CSMD1: variants seen among roughly 807,000 people sequenced by gnomAD.
CSMD1 encodes CUB and Sushi multiple domains 1.
In CSMD1, 213 loss-of-function variants were observed where a neutral mutation model predicts 417.5. The ratio of observed to expected loss-of-function variants is 0.51; its 90% CI spans 0.46 to 0.57. CSMD1 has a LOEUF of 0.57. CSMD1 is among the 20% of genes least tolerant of loss of function. The pLI is 0.00. For missense variants in CSMD1, 6,923 were observed against 4,529.7 expected, an observed-to-expected ratio of 1.53 and a Z score of -15.17; for synonymous variants, 2,862 against 1,736.8, an observed-to-expected ratio of 1.65 and a Z score of -16.11.
intron 3 of CSMD1, among the ~76,000 whole-genome samples, chr8:4,076,806 C>T (rs776595962): frequency 7.2e-5 from 11 of 152,140 alleles, no homozygotes; most frequent in Middle Eastern, 3.2e-3. Flanking sequence ...TACACCATCA[C>T]GCAAGGCCAG....
At chr8:4,000,523 T>G (rs962870351) in intron 4 of CSMD1, among the ~76,000 whole-genome samples, 16 of 152,324 alleles carry the variant, frequency 1.1e-4, no homozygotes, top group African/African-American at 3.8e-4. Context: ...GCCCCTTGTG[T>G]TGGGATAATG....
intron 2 of CSMD1, among the ~76,000 whole-genome samples, chr8:4,557,878 G>A (rs754732218): frequency 4.6e-5 from 7 of 151,978 alleles, no homozygotes; most frequent in East Asian, 1.9e-4. Context: ...AATGGGAGTC[G>A]GACAGTGTAA....
rs186725547 is a variant in CSMD1 at position 3,116,396 on chromosome 8, T to C, written c.6430+2003A>G. Among the ~76,000 whole-genome samples, 1,042 of 152,134 alleles carry C rather than the reference T, an allele frequency of 6.8e-3. 15 individuals carry two copies. The highest frequency in any genetic ancestry group is 0.024 in the African/African-American group (993 of 41,466). ...TGGCATCCTCCTGGACTCTGCCACA[T>C]GTGTCTTTTCCCTGGAATATATTGA... On this transcript the variant is annotated intron_variant, in intron 42 of 69. Transcript: ENST00000635120.
chr8:3,327,131 A>G (rs1229936031), intron 23 of CSMD1, among the ~76,000 whole-genome samples: 2 of 147,456 alleles, frequency 1.4e-5, no homozygotes, highest in African/African-American at 2.6e-5. Context: ...AACACTTGAC[A>G]TCTTTACAAT....
chr8:4,761,267 A>T (rs1049279799), intron 1 of CSMD1, among the ~76,000 whole-genome samples: 1 of 152,158 alleles, frequency 6.6e-6, no homozygotes, highest in African/African-American at 2.4e-5. Flanking sequence ...TCAGAACAGG[A>T]AAGCATGGTC....
chr8:4,111,670 G>C (rs1192444009), intron 3 of CSMD1, among the ~76,000 whole-genome samples: 1 of 152,144 alleles, frequency 6.6e-6, no homozygotes, highest in Non-Finnish European at 1.5e-5. Flanking sequence ...CCTGCAGGAA[G>C]CAAAAGACAA....
chr8:4,220,968 C>T (rs1055721058), intron 3 of CSMD1, among the ~76,000 whole-genome samples: 4 of 152,260 alleles, frequency 2.6e-5, no homozygotes, highest in African/African-American at 9.6e-5. Flanking sequence ...CGCAGGCGCC[C>T]AGAGGAGCCC....
intron 7 of CSMD1, among the ~76,000 whole-genome samples, chr8:3,652,607 A>G (rs1394095561): frequency 6.6e-6 from 1 of 152,190 alleles, no homozygotes; most frequent in Non-Finnish European, 1.5e-5. Flanking sequence ...CAGGCAAAAG[A>G]GCTCGCGCAA....
intron 5 of CSMD1, among the ~76,000 whole-genome samples, chr8:3,861,939 A>G (rs925252287): frequency 6.6e-6 from 1 of 152,124 alleles, no homozygotes; most frequent in Non-Finnish European, 1.5e-5. Flanking sequence ...TGGAAAGTCA[A>G]TCTTTGTACC....
chr8:3,788,914 T>C (rs1256634620), intron 5 of CSMD1, among the ~76,000 whole-genome samples: 1 of 152,202 alleles, frequency 6.6e-6, no homozygotes, highest in Non-Finnish European at 1.5e-5. Flanking sequence ...GGAAAGGGAC[T>C]TAGGCTATGG....
At chr8:4,040,921 G>C (rs1027094427) in intron 3 of CSMD1, among the ~76,000 whole-genome samples, 2 of 151,904 alleles carry the variant, frequency 1.3e-5, no homozygotes, top group African/African-American at 4.8e-5. Flanking sequence ...ATATTTGCTA[G>C]TGTGAATTAT....
At chr8:4,816,278 G>C (rs758134727) in intron 1 of CSMD1, among the ~76,000 whole-genome samples, 7 of 151,996 alleles carry the variant, frequency 4.6e-5, no homozygotes, top group African/African-American at 1.2e-4. Flanking sequence ...TCTGCCTCCT[G>C]GGTTCAAGGG....
At chr8:4,341,564 T>C (rs1240259719) in intron 3 of CSMD1, among the ~76,000 whole-genome samples, 1 of 152,120 alleles carries the variant, frequency 6.6e-6, no homozygotes, top group African/African-American at 2.4e-5. Context: ...AGTGTGATTT[T>C]GAGAAGAAAT....
chr8:4,187,465 G>A (rs1423694227), intron 3 of CSMD1, among the ~76,000 whole-genome samples: 2 of 152,062 alleles, frequency 1.3e-5, no homozygotes, highest in Admixed American at 6.6e-5. Flanking sequence ...TCAACATGGT[G>A]AAACCCCGTC....
At chr8:3,301,170 T>C (rs62504388) in intron 25 of CSMD1, among the ~76,000 whole-genome samples, 12,867 of 151,996 alleles carry the variant, frequency 0.085, 667 homozygotes, top group Non-Finnish European at 0.12. Context: ...ACATTAGTTT[T>C]ATAGACATAA....
rs1039046438 is a variant in CSMD1, at chr8:4,392,740, C to T, written c.415+27213G>A. Among the ~76,000 whole-genome samples, 17 of 151,316 alleles carry T rather than the reference C, an allele frequency of 1.1e-4. 1 individual carries two copies. The highest frequency in any genetic ancestry group is 3.3e-4 in the Admixed American group (5 of 15,176). ...ATACCAGCACTTTGGGAGGCTGAGG[C>T]GGGCGGATCACGAGGTCAAGAGATT... On this transcript the variant is annotated intron_variant, in intron 3 of 69. Transcript: ENST00000635120.
At chr8:4,386,427 T>C (rs375729033) in intron 3 of CSMD1, among the ~76,000 whole-genome samples, 9 of 151,442 alleles carry the variant, frequency 5.9e-5, no homozygotes, top group African/African-American at 1.9e-4. Context: ...ACTCAAACAA[T>C]ACACACTATC....
At chr8:4,028,804 G>A (rs931704192) in intron 4 of CSMD1, among the ~76,000 whole-genome samples, 2 of 152,112 alleles carry the variant, frequency 1.3e-5, no homozygotes, top group Non-Finnish European at 2.9e-5. Flanking sequence ...AAATTTTCTG[G>A]CATCTCATTA....
chr8:2,992,133 GCACA>G (rs754739474), intron 54 of CSMD1, among the ~76,000 whole-genome samples: 1 of 152,098 alleles, frequency 6.6e-6, no homozygotes, highest in South Asian at 2.1e-4. Flanking sequence ...ACATATGCAT[GCACA>G]CACAGACACA....
Sources: gnomAD v4.1 joint callset for allele counts (sites outside exome capture counted in the v4.1 genomes callset) on GRCh38, gnomAD v4.1.1 for gene constraint, MANE v1.5 for transcripts, NCBI Gene and HGNC (gene_info 2026-07-23, HGNC 2026-07-21) for gene names.